The following DOK6 variants were observed in gnomAD, a reference collection of about 807,000 sequenced individuals.
DOK6 encodes docking protein 6.
DOK6 carries 22 observed loss-of-function variants against 44.0 expected under a neutral mutation model. The ratio of observed to expected loss-of-function variants is 0.50; its 90% CI spans 0.36 to 0.71. DOK6 has a LOEUF of 0.71. Among genes scored for constraint, DOK6 ranks in the 30% least tolerant of loss-of-function variants. DOK6 has a pLI of 0.00. For synonymous variants in DOK6, 166 were observed against 145.5 expected (o/e 1.14, Z -1.01); for missense variants, 340 against 416.4 (o/e 0.82, Z 1.60).
chr18:69,505,589 C>T (rs538469587), intron 1 of DOK6, among the ~76,000 whole-genome samples: 32 of 150,644 alleles, frequency 2.1e-4, no homozygotes, highest in African/African-American at 6.8e-4. Context: ...CCTCTGCCTC[C>T]CAGGTTCAAG....
intron 3 of DOK6, among the ~76,000 whole-genome samples, chr18:69,666,999 C>A (rs1184504117): frequency 6.6e-6 from 1 of 152,116 alleles, no homozygotes; most frequent in Non-Finnish European, 1.5e-5. Flanking sequence ...AGGACCCCCC[C>A]TCCCCGCCAT....
chr18:69,532,482 C>T (rs1057202828), intron 1 of DOK6, among the ~76,000 whole-genome samples: 1 of 152,182 alleles, frequency 6.6e-6, no homozygotes, highest in Non-Finnish European at 1.5e-5. Flanking sequence ...AGTCAAAAAT[C>T]TAATTGAACA....
chr18:69,579,093 G>A (rs1244221407), intron 2 of DOK6, among the ~76,000 whole-genome samples: 4 of 152,126 alleles, frequency 2.6e-5, no homozygotes, highest in African/African-American at 9.7e-5. Flanking sequence ...GGAACTGGGG[G>A]TTTTGAGACA....
chr18:69,653,598 G>T (rs1459272678), intron 3 of DOK6, among the ~76,000 whole-genome samples: 1 of 152,174 alleles, frequency 6.6e-6, no homozygotes, highest in African/African-American at 2.4e-5. Context: ...TTTCTAGTGG[G>T]ATTCTGAAGG....
chr18:69,730,579 C>G (rs1191363269), intron 5 of DOK6, among the ~76,000 whole-genome samples: 2 of 152,246 alleles, frequency 1.3e-5, no homozygotes, highest in Admixed American at 1.3e-4. Context: ...GTGATTCAAG[C>G]TATCTATTCA....
At chr18:69,537,616 C>G (rs1172068599) in intron 1 of DOK6, among the ~76,000 whole-genome samples, 1 of 152,182 alleles carries the variant, frequency 6.6e-6, no homozygotes, top group East Asian at 1.9e-4. Context: ...TTGAGGAGAG[C>G]TGGATTATTC....
intron 1 of DOK6, among the ~76,000 whole-genome samples, chr18:69,529,074 G>A (rs886706415): frequency 6.6e-6 from 1 of 152,144 alleles, no homozygotes; most frequent in Admixed American, 6.5e-5. Context: ...TTGTGTGTGT[G>A]TGCTTTGTGC....
intron 5 of DOK6, among the ~76,000 whole-genome samples, chr18:69,717,508 C>A (rs1444977884): frequency 6.6e-6 from 1 of 152,114 alleles, no homozygotes; most frequent in Non-Finnish European, 1.5e-5. Flanking sequence ...ACATCATTTT[C>A]TTTGAAAATA....
At chr18:69,497,500 T>TCATCA (rs1436561121) in intron 1 of DOK6, among the ~76,000 whole-genome samples, 1 of 152,176 alleles carries the variant, frequency 6.6e-6, no homozygotes, top group Non-Finnish European at 1.5e-5. Flanking sequence ...GCTGACTTGG[T>TCATCA]CTGTGGAACG....
chr18:69,729,959 T>C (rs563577572), intron 5 of DOK6, among the ~76,000 whole-genome samples: 1 of 151,986 alleles, frequency 6.6e-6, no homozygotes, highest in African/African-American at 2.4e-5. Flanking sequence ...AAGAAACATA[T>C]GTTAAGATGA....
intron 1 of DOK6, among the ~76,000 whole-genome samples, chr18:69,459,787 G>T (rs1021591543): frequency 9.9e-5 from 15 of 152,118 alleles, no homozygotes; most frequent in African/African-American, 3.4e-4. Flanking sequence ...GGTTACTTTT[G>T]GTGCTTGGCT....
intron 3 of DOK6, among the ~76,000 whole-genome samples, chr18:69,626,222 C>T (rs1021076955): frequency 6.6e-6 from 1 of 152,196 alleles, no homozygotes; most frequent in Non-Finnish European, 1.5e-5. Context: ...TAAAATCTGT[C>T]ACTTTAATCA....
intron 1 of DOK6, among the ~76,000 whole-genome samples, chr18:69,465,528 T>A (rs1979900894): frequency 6.6e-6 from 1 of 151,000 alleles, no homozygotes; most frequent in African/African-American, 2.4e-5. Context: ...CATTGTTCAA[T>A]TCCCACCTAT....
At chr18:69,774,050 GAT>G (rs768404701) in intron 7 of DOK6, among the ~76,000 whole-genome samples, 4 of 139,946 alleles carry the variant, frequency 2.9e-5, no homozygotes, top group Non-Finnish European at 4.7e-5. Flanking sequence ...GAATTTGTGA[GAT>G]ATATATATAT....
At position 69,611,670 on chromosome 18, in the gene DOK6, C is replaced by T. The variant is rs551268849; in HGVS notation, c.289+12172C>T. On this transcript the variant is annotated intron_variant, in intron 3 of 7. Coordinates refer to ENST00000382713, the MANE Select transcript of DOK6 (RefSeq NM_152721.6). ...AAAAGAACAGACTCAATATATGCAG[C>T]AGCCTGGATGAATCTTGAAGGAATT... Among the ~76,000 whole-genome samples, 4 of 152,300 alleles carry T rather than the reference C, an allele frequency of 2.6e-5. No homozygotes were observed. In the East Asian group the frequency reaches 7.7e-4, roughly 29 times the overall value.
intron 1 of DOK6, among the ~76,000 whole-genome samples, chr18:69,425,708 A>G (rs1978617680): frequency 1.3e-5 from 2 of 151,818 alleles, no homozygotes; most frequent in African/African-American, 4.9e-5. Context: ...TCTGATTTAA[A>G]GTGTTAAAAA....
At chr18:69,410,236 C>T (rs149842179) in intron 1 of DOK6, among the ~76,000 whole-genome samples, 2 of 152,352 alleles carry the variant, frequency 1.3e-5, no homozygotes, top group African/African-American at 4.8e-5. Context: ...AAAACAATCA[C>T]TGTCAACCAC....
intron 1 of DOK6, among the ~76,000 whole-genome samples, chr18:69,460,437 TAATATC>T (rs1459447839): frequency 2.0e-5 from 3 of 152,204 alleles, no homozygotes; most frequent in Non-Finnish European, 4.4e-5. Context: ...TGAGGTATAT[TAATATC>T]AATGTTTTAT....
chr18:69,744,241 C>T (rs768743439), intron 6 of DOK6, among the ~76,000 whole-genome samples: 27 of 150,502 alleles, frequency 1.8e-4, no homozygotes, highest in Non-Finnish European at 4.0e-4. Flanking sequence ...ACCCGGGAGG[C>T]GGAGGTTGCA....
Sources: gnomAD v4.1 joint callset for allele counts (sites outside exome capture counted in the v4.1 genomes callset) on GRCh38, gnomAD v4.1.1 for gene constraint, MANE v1.5 for transcripts, NCBI Gene and HGNC (gene_info 2026-07-23, HGNC 2026-07-21) for gene names.